The following ITPR1 variants were observed in gnomAD, a reference collection of about 807,000 sequenced individuals.
ITPR1 encodes the protein inositol 1,4,5-trisphosphate receptor type 1, also known as inositol 1,4,5-trisphosphate-gated calcium channel ITPR1.
A neutral mutation model predicts 318.4 loss-of-function variants in ITPR1; 96 were observed. That is an observed-to-expected ratio of 0.30 (90% CI 0.26 to 0.36). ITPR1 has a LOEUF of 0.36. Ranked by LOEUF, ITPR1 falls within the 10% of genes least tolerant of loss-of-function variation. The probability of loss-of-function intolerance (pLI) is 1.00; values close to 1 mark genes in which losing one functional copy is unlikely to be tolerated. For synonymous variants in ITPR1, 1,312 were observed against 1,289.9 expected (o/e 1.02, Z -0.37); for missense variants, 2,440 against 3,460.2 (o/e 0.71, Z 7.40).
intron 32 of ITPR1, 96 bp downstream of exon 32, chr3:4,691,440 G>A (rs1021830086): frequency 3.9e-6 from 3 of 778,040 alleles, no homozygotes; most frequent in Non-Finnish European, 6.3e-6. Context: ...CCCTCTTCAG[G>A]AGCCATACAG....
At chr3:4,796,852 A>G (rs879481923) in intron 53 of ITPR1, among the ~76,000 whole-genome samples, 2 of 152,186 alleles carry the variant, frequency 1.3e-5, no homozygotes, top group Non-Finnish European at 2.9e-5. Flanking sequence ...CATTAAGCCC[A>G]TGGTTAGAAA....
At chr3:4,509,834 G>C (rs751221102) in intron 2 of ITPR1, among the ~76,000 whole-genome samples, 3 of 152,152 alleles carry the variant, frequency 2.0e-5, no homozygotes, top group African/African-American at 7.2e-5. Flanking sequence ...CTAGGCAGCA[G>C]ATACAATAGC....
chr3:4,521,652 C>T (rs73003298), intron 4 of ITPR1, among the ~76,000 whole-genome samples: 1,684 of 152,180 alleles, frequency 0.011, 8 homozygotes, highest in Non-Finnish European at 0.017. Context: ...GAATTCTAGA[C>T]GAGTCTGGGA....
At chr3:4,496,211 GT>G in intron 2 of ITPR1, among the ~76,000 whole-genome samples, 1 of 152,342 alleles carries the variant, frequency 6.6e-6, no homozygotes, top group Admixed American at 6.5e-5. Context: ...TTAAACTGCA[GT>G]TAGACTGCAA....
chr3:4,723,863 C>T lies in ITPR1; in HGVS notation c.5137-1683C>T, dbSNP rs192680520. On this transcript the variant is annotated intron_variant, in intron 40 of 61. Coordinates refer to ENST00000649015, the MANE Select transcript of ITPR1 (RefSeq NM_001378452.1). ...ATAATACTTCTGTCTATATCTCTGT[C>T]TGCTCTAAAATGCATGGGAAATTGC... 5.0e-3 allele frequency among the ~76,000 whole-genome samples: 762 copies of T among 152,170 alleles called. 34 individuals carry two copies. Among genetic ancestry groups the T allele is most frequent in the Admixed American group, 0.047 (717 of 15,260 alleles).
At chr3:4,611,298 G>A (rs577938328) in intron 4 of ITPR1, among the ~76,000 whole-genome samples, 2 of 149,662 alleles carry the variant, frequency 1.3e-5, no homozygotes, top group African/African-American at 5.0e-5. Flanking sequence ...AGTGGCTCAC[G>A]CCTGTAATCC....
chr3:4,511,124 C>T (rs919214599), intron 2 of ITPR1, among the ~76,000 whole-genome samples: 2 of 152,074 alleles, frequency 1.3e-5, no homozygotes, highest in African/African-American at 4.8e-5. Flanking sequence ...ATCCTCTTCA[C>T]GTAACAGTGA....
chr3:4,718,837 T>C (rs1443466449), intron 40 of ITPR1, among the ~76,000 whole-genome samples: 1 of 152,256 alleles, frequency 6.6e-6, no homozygotes, highest in Non-Finnish European at 1.5e-5. Context: ...GGGTTATTTA[T>C]ATGCCAGAAA....
At chr3:4,668,643 T>C (rs2094004901) in intron 18 of ITPR1, among the ~76,000 whole-genome samples, 1 of 152,058 alleles carries the variant, frequency 6.6e-6, no homozygotes, top group Admixed American at 6.6e-5. Context: ...AATTTTTGTG[T>C]TTTTAATAGA....
rs2093283375 is a variant in ITPR1 at position 4,639,403 on chromosome 3, A to G, written c.299A>G (p.Lys100Arg). 6.4e-7 allele frequency: 1 copy of G among 1,572,714 alleles called. No individual in the cohort carries two copies. The highest frequency in any genetic ancestry group is 8.6e-7 in the Non-Finnish European group (1 of 1,158,760). ...NKLHHAADLE[K>R]KQNETENRKL... is the part of the protein sequence containing the mutation. ...GCACAGCACGCTGCAGACTTGGAAA[A>G]GAAGCAGAATGAGACAGAAAACAGG... The change falls in exon 6 of 62, where the codon AAG becomes AGG. Residue 100 changes from lysine to arginine, a missense_variant. Physicochemically the swap from Lys to Arg is conservative, Grantham distance 26. Transcript: ENST00000649015.
At chr3:4,600,937 T>C (rs73104435) in intron 4 of ITPR1, among the ~76,000 whole-genome samples, 3,082 of 152,268 alleles carry the variant, frequency 0.02, 97 homozygotes, top group African/African-American at 0.07. Context: ...TTCAGAGATA[T>C]TCATTCATTG....
chr3:4,757,217 T>C (rs2045067353), intron 44 of ITPR1, among the ~76,000 whole-genome samples: 1 of 152,152 alleles, frequency 6.6e-6, no homozygotes, highest in African/African-American at 2.4e-5. Context: ...TGAGTTTTGA[T>C]TGTAATCATT....
At chr3:4,792,988 T>G (rs2047667994) in intron 52 of ITPR1, among the ~76,000 whole-genome samples, 1 of 151,198 alleles carries the variant, frequency 6.6e-6, no homozygotes, top group Admixed American at 6.6e-5. Context: ...AAAGGCAGAG[T>G]ATATGGGGAA....
intron 44 of ITPR1, among the ~76,000 whole-genome samples, chr3:4,744,501 GT>G (rs1192939439): frequency 6.6e-6 from 1 of 152,202 alleles, no homozygotes; most frequent in Non-Finnish European, 1.5e-5. Context: ...TGTAGATAAA[GT>G]TTTATTGGTG....
At position 4,768,557 on chromosome 3, in the gene ITPR1, C is replaced by A. The variant is rs2045967969; in HGVS notation, c.5772C>A (p.Leu1924=). ...TQITEEVRDQ[L]LEASAATRKA... ...TAACAGAAGAGGTCCGGGATCAGCT[C>A]CTGGAGGCCTCCGCTGCCACCAGGA... Residue 1924 remains leucine, a synonymous_variant, in exon 46 of 62, where the codon CTC becomes CTA. Coordinates refer to ENST00000649015, the MANE Select transcript of ITPR1 (RefSeq NM_001378452.1). The A allele has an allele frequency of 6.2e-7, 1 of 1,613,888 alleles. No homozygotes were observed. The highest frequency in any genetic ancestry group is 1.3e-5 in the African/African-American group (1 of 74,940).
intron 13 of ITPR1, among the ~76,000 whole-genome samples, chr3:4,660,699 C>G (rs1374398763): frequency 6.6e-6 from 1 of 152,218 alleles, no homozygotes. Flanking sequence ...TCCTGTTGCT[C>G]TGTCTCATGC....
chr3:4,650,605 T>G (rs1260846914), intron 10 of ITPR1, among the ~76,000 whole-genome samples: 17 of 133,210 alleles, frequency 1.3e-4, no homozygotes, highest in Non-Finnish European at 2.5e-4. Context: ...TGATATGCCT[T>G]AGTGTGTGTG....
At chr3:4,752,285 GGGGA>G in intron 44 of ITPR1, among the ~76,000 whole-genome samples, 1 of 152,192 alleles carries the variant, frequency 6.6e-6, no homozygotes, top group Admixed American at 6.5e-5. Flanking sequence ...TATCAAGTCT[GGGGA>G]GGGAGCCAGG....
intron 49 of ITPR1, among the ~76,000 whole-genome samples, chr3:4,780,805 G>A (rs1031428134): frequency 2.0e-5 from 3 of 152,164 alleles, no homozygotes; most frequent in Non-Finnish European, 4.4e-5. Context: ...CTTGAGCAGG[G>A]ATGGAATGAC....
Sources: gnomAD v4.1 joint callset for allele counts (sites outside exome capture counted in the v4.1 genomes callset) on GRCh38, gnomAD v4.1.1 for gene constraint, MANE v1.5 for transcripts, NCBI Gene and HGNC (gene_info 2026-07-23, HGNC 2026-07-21) for gene names.